The following NADK2 variants were observed in gnomAD, a reference collection of about 807,000 sequenced individuals.
NADK2 encodes the protein NAD kinase domain-containing protein 1, mitochondrial.
In NADK2, 35 loss-of-function variants were observed where a neutral mutation model predicts 62.1. The observed-to-expected ratio is 0.56, with a 90% CI of 0.43 to 0.75. The LOEUF (loss-of-function observed/expected upper bound fraction) is 0.75. Among genes scored for constraint, NADK2 ranks in the 30% least tolerant of loss-of-function variants. The probability of loss-of-function intolerance (pLI) is 0.00; values close to 1 mark genes in which losing one functional copy is unlikely to be tolerated. For missense variants in NADK2, 439 were observed against 561.3 expected (o/e 0.78, Z 2.20); for synonymous variants, 205 against 207.9 (o/e 0.99, Z 0.12).
At position 36,209,324 on chromosome 5, in the gene NADK2, C is replaced by T. The variant is rs1746755312; in HGVS notation, c.861-2059G>A. Among the ~76,000 whole-genome samples the T allele has an allele frequency of 1.3e-5, 2 of 152,232 alleles. 1 individual carries two copies. Among genetic ancestry groups the T allele is most frequent in the African/African-American group, 4.8e-5 (2 of 41,570 alleles). Reference sequence around the variant, plus strand: ...GAAATTTCACTAACTCCCCCAAAATCTATCAACTGATCCAAGTTTTCCTCC... The same window carrying T: ...GAAATTTCACTAACTCCCCCAAAATTTATCAACTGATCCAAGTTTTCCTCC... On this transcript the variant is annotated intron_variant, in intron 7 of 11. Coordinates refer to ENST00000381937, the MANE Select transcript of NADK2 (RefSeq NM_001085411.3).
At chr5:36,201,025 G>C in intron 9 of NADK2, 81 bp downstream of exon 9, 1 of 1,176,174 alleles carries the variant, frequency 8.5e-7, no homozygotes, top group South Asian at 1.2e-5. Flanking sequence ...AGTATCCAAG[G>C]TTTCAGCATT....
intron 4 of NADK2, among the ~76,000 whole-genome samples, chr5:36,222,610 G>A (rs1172218521): frequency 1.3e-5 from 2 of 152,194 alleles, no homozygotes; most frequent in East Asian, 3.9e-4. Flanking sequence ...TGAAGGTCAT[G>A]GGAAACTCTA....
rs954577851 is a variant in NADK2, at chr5:36,226,385, C to T, written c.478+90G>A. On this transcript the variant is annotated intron_variant, in intron 3 of 11. Coordinates refer to ENST00000381937, the MANE Select transcript of NADK2 (RefSeq NM_001085411.3). ...GTGTTTAATGGTAAGACTCTGAAGGCTTCAATATAGCTAGACCCTAGGGTA... is the reference window on the plus strand; with the variant it reads ...GTGTTTAATGGTAAGACTCTGAAGGTTTCAATATAGCTAGACCCTAGGGTA... 17 of 983,564 alleles carry T rather than the reference C, an allele frequency of 1.7e-5. No homozygotes were observed. The African/African-American group carries it at 2.4e-4, about 14-fold the overall frequency. The allele number at this position is 983,564 out of a possible 1,614,324, so 60.9% of individuals were successfully genotyped here.
At chr5:36,233,750 A>G (rs966834565) in intron 1 of NADK2, among the ~76,000 whole-genome samples, 4 of 152,158 alleles carry the variant, frequency 2.6e-5, no homozygotes, top group Admixed American at 2.0e-4. Flanking sequence ...CTGAGTCACA[A>G]TGTAAGAGAT....
At chr5:36,211,823 A>C in intron 7 of NADK2, 21 bp downstream of exon 7, 1 of 1,589,200 alleles carries the variant, frequency 6.3e-7, no homozygotes, top group Non-Finnish European at 8.6e-7. Context: ...TCCATGCTCA[A>C]GATCACAGGT....
chr5:36,240,996 G>T (rs1465672913), intron 1 of NADK2, among the ~76,000 whole-genome samples: 1 of 152,180 alleles, frequency 6.6e-6, no homozygotes, highest in African/African-American at 2.4e-5. Context: ...AGAGTAAAAG[G>T]GGGTGTGTCC....
intron 4 of NADK2, 152 bp downstream of exon 4, chr5:36,225,390 G>C: frequency 3.3e-6 from 2 of 603,352 alleles, no homozygotes; most frequent in Non-Finnish European, 2.9e-6. Context: ...ATGTGAACAT[G>C]GTCAAGAAAA....
In NADK2 at chr5:36,207,333, A is replaced by G. The variant is rs925509535; in HGVS notation, c.861-68T>C. The G allele has an allele frequency of 9.5e-6, 11 of 1,157,442 alleles. No homozygotes were observed. The Admixed American group carries it at 2.4e-4, about 25-fold the overall frequency. The allele number at this position is 1,157,442 out of a possible 1,614,324, so 71.7% of individuals were successfully genotyped here. On this transcript the variant is annotated intron_variant, in intron 7 of 11. Coordinates refer to ENST00000381937, the MANE Select transcript of NADK2 (RefSeq NM_001085411.3). ...CAAGGTAAATAAGAGAGTCTTCTTC[A>G]GAACTAAGGAAATCTTAAGTAAGTC... is the stretch of plus-strand genomic sequence containing the variant.
At chr5:36,224,781 C>CTG (rs1747419152) in intron 4 of NADK2, among the ~76,000 whole-genome samples, 2 of 151,898 alleles carry the variant, frequency 1.3e-5, no homozygotes. Flanking sequence ...ACCATAAAGT[C>CTG]CAGGTACAGT....
At chr5:36,222,229 C>T (rs199692841) in intron 4 of NADK2, among the ~76,000 whole-genome samples, 1 of 144,046 alleles carries the variant, frequency 6.9e-6, no homozygotes, top group East Asian at 2.3e-4. Context: ...GAACTTTTGA[C>T]AAAAGCACAT....
chr5:36,239,748 A>G (rs745639442), intron 1 of NADK2, among the ~76,000 whole-genome samples: 4 of 152,200 alleles, frequency 2.6e-5, no homozygotes, highest in Non-Finnish European at 5.9e-5. Context: ...CCAGTACTGT[A>G]AAGGGCCTTG....
At chr5:36,195,405 G>A in intron 11 of NADK2, 123 bp from the exon 12 acceptor site, 1 of 978,458 alleles carries the variant, frequency 1.0e-6, no homozygotes, top group Non-Finnish European at 1.5e-6. Flanking sequence ...TCTCTGGTAT[G>A]AGAAAATTAG....
rs959977585 is a variant in NADK2 at position 36,193,651 on chromosome 5, A to G, written c.*1493T>C. Reference sequence around the variant, plus strand: ...TCTGATATGTCATAAATTCTTTGCTATGAATGTCTACGCAGATACTTTAAG... The same window carrying G: ...TCTGATATGTCATAAATTCTTTGCTGTGAATGTCTACGCAGATACTTTAAG... On this transcript the variant is annotated 3_prime_UTR_variant, in exon 12 of 12. Coordinates refer to ENST00000381937, the MANE Select transcript of NADK2 (RefSeq NM_001085411.3). 6.6e-6 allele frequency: 1 copy of G among 152,154 alleles called. No homozygotes were observed. The highest frequency in any genetic ancestry group is 2.4e-5 in the African/African-American group (1 of 41,436). The allele number at this position is 152,154 out of a possible 1,614,324, so 9.4% of individuals were successfully genotyped here.
intron 11 of NADK2, among the ~76,000 whole-genome samples, chr5:36,196,224 C>T (rs758254777): frequency 1.3e-5 from 2 of 151,940 alleles, no homozygotes; most frequent in Non-Finnish European, 2.9e-5. Flanking sequence ...TAGGTAATTG[C>T]CAAACAATTT....
intron 1 of NADK2, among the ~76,000 whole-genome samples, chr5:36,238,994 T>G (rs190825200): frequency 2.0e-5 from 3 of 152,254 alleles, no homozygotes; most frequent in South Asian, 4.1e-4. Context: ...CACTCTATCC[T>G]TCATCTTCCA....
Position 36,217,792 on chromosome 5 carries a change from T to C in NADK2, c.737A>G (p.Asn246Ser), listed in dbSNP as rs1747103186. ...AATGTTAAGGGCTCTATTGTGCTGA[T>C]TCAAGCTTAGCTGCTGCTCGTGAAG... The part of the protein sequence containing the change: ...VDLHEQQLSL[N>S]QHNRALNIER... The change falls in exon 6 of 12, where the codon AAT becomes AGT. Residue 246 changes from asparagine (N) to serine (S), a missense_variant. Physicochemically the swap from Asn to Ser is conservative, Grantham distance 46 (BLOSUM62 1). Coordinates refer to ENST00000381937, the MANE Select transcript of NADK2 (RefSeq NM_001085411.3). 6.2e-7 allele frequency: 1 copy of C among 1,614,020 alleles called. No individual in the cohort carries two copies. The highest frequency in any genetic ancestry group is 8.5e-7 in the Non-Finnish European group (1 of 1,179,922).
intron 10 of NADK2, among the ~76,000 whole-genome samples, chr5:36,198,580 A>G (rs1281566727): frequency 6.7e-6 from 1 of 148,414 alleles, no homozygotes; most frequent in Admixed American, 6.8e-5. Context: ...AGTCACAGAT[A>G]TTTTTATATA....
chr5:36,194,206 T>A lies in NADK2; in HGVS notation c.*938A>T, dbSNP rs1227293078. The A allele has an allele frequency of 6.6e-6, 1 of 152,176 alleles. No individual in the cohort carries two copies. The highest frequency in any genetic ancestry group is 2.4e-5 in the African/African-American group (1 of 41,452). The allele number at this position is 152,176 out of a possible 1,614,324, so 9.4% of individuals were successfully genotyped here. On this transcript the variant is annotated 3_prime_UTR_variant, in exon 12 of 12. Coordinates refer to ENST00000381937, the MANE Select transcript of NADK2 (RefSeq NM_001085411.3). ...ATAAGCTAGGTGAAAACCACAATAC[T>A]AAGGAAGGCAATTCCAAAACTACTG...
chr5:36,225,231 A>T (rs1172485136), intron 4 of NADK2, among the ~76,000 whole-genome samples: 1 of 152,202 alleles, frequency 6.6e-6, no homozygotes, highest in Non-Finnish European at 1.5e-5. Flanking sequence ...ACTACATAAA[A>T]GACAATCCTA....
Sources: gnomAD v4.1 joint callset for allele counts (sites outside exome capture counted in the v4.1 genomes callset) on GRCh38, gnomAD v4.1.1 for gene constraint, MANE v1.5 for transcripts, NCBI Gene and HGNC (gene_info 2026-07-23, HGNC 2026-07-21) for gene names.